CPS1: variants seen among roughly 807,000 people sequenced by gnomAD.
CPS1 encodes the protein carbamoyl-phosphate synthase [ammonia], mitochondrial.
CPS1 carries 109 observed loss-of-function variants against 174.6 expected under a neutral mutation model. The observed-to-expected ratio is 0.62, with a 90% CI of 0.53 to 0.73. The LOEUF (loss-of-function observed/expected upper bound fraction) is 0.73, where lower values mean the gene tolerates loss of function less well. Ranked by LOEUF, CPS1 falls within the 30% of genes least tolerant of loss-of-function variation. CPS1 has a pLI of 0.00. For missense variants in CPS1, 1,689 were observed against 1,821.9 expected (o/e 0.93, Z 1.33); for synonymous variants, 637 against 632.0 (o/e 1.01, Z -0.12).
At chr2:210,675,864 C>T in intron 36 of CPS1, 24 bp downstream of exon 36, 1 of 1,067,460 alleles carries the variant, frequency 9.4e-7, no homozygotes, top group Middle Eastern at 2.0e-4. Flanking sequence ...ATACTGTTTT[C>T]TGAAATAATT....
intron 4 of CPS1, among the ~76,000 whole-genome samples, chr2:210,578,961 C>G (rs966149286): frequency 1.3e-5 from 2 of 152,050 alleles, no homozygotes; most frequent in African/African-American, 4.8e-5. Flanking sequence ...TGCTTTGAAC[C>G]TTCTTCCATG....
At chr2:210,509,261 C>A (rs1695382284) in intron 1 of CPS1, among the ~76,000 whole-genome samples, 1 of 152,188 alleles carries the variant, frequency 6.6e-6, no homozygotes, top group African/African-American at 2.4e-5. Context: ...AGTATATAAA[C>A]AGAACCAATG....
At chr2:210,565,822 C>G (rs1217213236) in intron 1 of CPS1, among the ~76,000 whole-genome samples, 2 of 152,170 alleles carry the variant, frequency 1.3e-5, no homozygotes, top group African/African-American at 4.8e-5. Context: ...TTAACTTTGG[C>G]ATAAGGACTT....
chr2:210,651,552 T>C (rs1700559301), intron 28 of CPS1, among the ~76,000 whole-genome samples: 2 of 152,228 alleles, frequency 1.3e-5, no homozygotes, highest in Admixed American at 6.5e-5. Flanking sequence ...GGCTGGCTAC[T>C]GTACTCAGCT....
rs1047579926 is a variant in CPS1, at chr2:210,637,829, C to T, written c.2815C>T (p.Pro939Ser). ...RELRLKKNIH[P>S]WVKQIDTLAA... ...GCTGAGGTTAAAGAAAAACATCCAC[C>T]CTTGGGTTAAACAGGTAAAGGAGTT... The change falls in exon 22 of 38, where the codon CCT (proline) becomes TCT (serine). Residue 939 changes from proline to serine, a missense_variant. Physicochemically the swap from Pro to Ser is moderately conservative, Grantham distance 74. Transcript: ENST00000233072. 26 of 1,613,776 alleles carry T rather than the reference C, an allele frequency of 1.6e-5. No individual in the cohort carries two copies. Among genetic ancestry groups the T allele is most frequent in the Admixed American group, 5.0e-5 (3 of 59,988 alleles).
intron 1 of CPS1, among the ~76,000 whole-genome samples, chr2:210,498,641 A>G (rs1695065734): frequency 6.6e-6 from 1 of 152,050 alleles, no homozygotes; most frequent in African/African-American, 2.4e-5. Flanking sequence ...GATGCCTTTT[A>G]TTTCCCTCTC....
At position 210,665,178 on chromosome 2, in the gene CPS1, A is replaced by G. The variant is rs1000416062; in HGVS notation, c.4002+1981A>G. 2.0e-5 allele frequency among the ~76,000 whole-genome samples: 3 copies of G among 152,188 alleles called. No individual in the cohort carries two copies. The South Asian group carries it at 6.2e-4, about 32-fold the overall frequency. ...TTAGTTGCCCAGTACTTGACTGAGT[A>G]AAATGTTCACTGTGGAGAGAAAAGC... On this transcript the variant is annotated intron_variant, in intron 33 of 37. Coordinates refer to ENST00000233072, the MANE Select transcript of CPS1 (RefSeq NM_001875.5).
intron 28 of CPS1, 80 bp downstream of exon 28, chr2:210,650,518 A>G: frequency 9.8e-7 from 1 of 1,018,712 alleles, no homozygotes; most frequent in Non-Finnish European, 1.6e-6. Flanking sequence ...AAATGTAGTG[A>G]CATTTATCTC....
At chr2:210,611,438 C>T (rs1699117005) in intron 19 of CPS1, among the ~76,000 whole-genome samples, 1 of 151,870 alleles carries the variant, frequency 6.6e-6, no homozygotes, top group African/African-American at 2.4e-5. Context: ...GTTGCAAGAT[C>T]AATTTAAGTT....
intron 1 of CPS1, among the ~76,000 whole-genome samples, chr2:210,499,208 T>A (rs996762849): frequency 6.6e-6 from 1 of 151,770 alleles, no homozygotes; most frequent in African/African-American, 2.4e-5. Context: ...CTAGTCAATG[T>A]CACCAGGTGT....
chr2:210,650,831 A>G (rs989252532), intron 28 of CPS1, among the ~76,000 whole-genome samples: 6 of 151,832 alleles, frequency 4.0e-5, no homozygotes, highest in Non-Finnish European at 8.8e-5. Context: ...CACCATTAAC[A>G]AGTGAAAGCT....
chr2:210,662,725 A>G (rs1456927811), intron 32 of CPS1, among the ~76,000 whole-genome samples: 1 of 152,258 alleles, frequency 6.6e-6, no homozygotes, highest in East Asian at 1.9e-4. Flanking sequence ...GATCAGAACA[A>G]GAAGAGGAAT....
At chr2:210,535,988 A>G (rs184866831) in intron 1 of CPS1, among the ~76,000 whole-genome samples, 40 of 152,194 alleles carry the variant, frequency 2.6e-4, no homozygotes, top group African/African-American at 9.1e-4. Context: ...CATTTCTCAG[A>G]TGAGAAAACT....
chr2:210,485,691 G>A (rs1279283604), intron 1 of CPS1, among the ~76,000 whole-genome samples: 1 of 152,024 alleles, frequency 6.6e-6, no homozygotes, highest in Non-Finnish European at 1.5e-5. Flanking sequence ...TTGATGAATG[G>A]TTGAATTCTA....
intron 30 of CPS1, among the ~76,000 whole-genome samples, chr2:210,656,992 G>T (rs1700729020): frequency 6.6e-6 from 1 of 152,106 alleles, no homozygotes; most frequent in East Asian, 1.9e-4. Context: ...CTAAGGTGAT[G>T]CTATTGCTGC....
intron 1 of CPS1, among the ~76,000 whole-genome samples, chr2:210,547,641 A>G (rs1696598982): frequency 6.6e-6 from 1 of 152,064 alleles, no homozygotes; most frequent in South Asian, 2.1e-4. Context: ...CCCTTAATTG[A>G]AGATATTAAT....
Position 210,595,392 on chromosome 2 carries a change from A to T in CPS1, c.1264-95A>T. ...CATTAGACCTTAGATGACCACATAA[A>T]CTCAGACAATGTGGTTTGTCTTCTC... is the stretch of plus-strand genomic sequence containing the variant. On this transcript the variant is annotated intron_variant, in intron 12 of 37. Coordinates refer to ENST00000233072, the MANE Select transcript of CPS1 (RefSeq NM_001875.5). 4 of 866,158 alleles carry T rather than the reference A, an allele frequency of 4.6e-6. No homozygotes were observed. The South Asian group carries it at 5.3e-5, about 11-fold the overall frequency. 53.7% of individuals were successfully genotyped at this position (866,158 alleles called of 1,614,324 possible).
At chr2:210,627,517 G>A (rs1699732132) in intron 21 of CPS1, among the ~76,000 whole-genome samples, 2 of 152,262 alleles carry the variant, frequency 1.3e-5, no homozygotes, top group Non-Finnish European at 2.9e-5. Flanking sequence ...AATTTCTTCA[G>A]CTGCTAATTT....
At chr2:210,571,516 T>C (rs1381244151) in intron 1 of CPS1, among the ~76,000 whole-genome samples, 1 of 151,926 alleles carries the variant, frequency 6.6e-6, no homozygotes, top group Non-Finnish European at 1.5e-5. Flanking sequence ...ACATATCCTA[T>C]CAATTTTAAT....
Sources: allele counts gnomAD v4.1 joint callset (sites outside exome capture counted in the v4.1 genomes callset), GRCh38; gene constraint gnomAD v4.1.1; transcripts MANE v1.5; gene names NCBI Gene and HGNC (gene_info 2026-07-23, HGNC 2026-07-21).